The following PRRC2B variants were observed in gnomAD, a reference collection of about 807,000 sequenced individuals.
The protein encoded by PRRC2B is protein PRRC2B.
PRRC2B carries 68 observed loss-of-function variants against 242.3 expected under a neutral mutation model. That is an observed-to-expected ratio of 0.28 (90% confidence interval 0.23 to 0.34). The LOEUF is 0.34. PRRC2B is among the 10% of genes least tolerant of loss of function. The pLI is 1.00. For synonymous variants in PRRC2B, 1,228 were observed against 1,173.6 expected (o/e 1.05, Z -0.95); for missense variants, 2,835 against 2,954.8 (o/e 0.96, Z 0.94).
chr9:131,377,120 AT>A (rs11285924), intron 1 of PRRC2B, among the ~76,000 whole-genome samples: 44,864 of 149,098 alleles, frequency 0.3, 6,671 homozygotes, highest in African/African-American at 0.34. Flanking sequence ...TGTACAATTA[AT>A]TTTTTTTTTT....
At position 131,475,342 on chromosome 9, in the gene PRRC2B, CAG is replaced by C; in HGVS notation, c.3218_3219del (p.Glu1073ValfsTer60). On this transcript the variant is annotated frameshift_variant, in exon 16 of 32. Transcript: ENST00000683519. LOFTEE classifies it high-confidence loss of function. The stretch of plus-strand genomic sequence containing the variant: ...AGGCCCGGGGCCGGGGCCGTGGTTT[CAG>C]AGAGTTCACTTTTCGTGGTCGGCCT... ...GQARGRGRGF[R>X]EFTFRGRPAG... is the part of the protein sequence containing the mutation. 6.3e-7 allele frequency: 1 copy of C among 1,589,876 alleles called. No individual in the cohort carries two copies. The highest frequency in any genetic ancestry group is 8.6e-7 in the Non-Finnish European group (1 of 1,169,048).
chr9:131,496,055 T>C lies in PRRC2B; in HGVS notation c.*181T>C. The C allele has an allele frequency of 1.3e-6, 1 of 788,540 alleles. No individual in the cohort carries two copies. Among genetic ancestry groups the C allele is most frequent in the Non-Finnish European group, 2.0e-6 (1 of 510,796 alleles). 48.8% of individuals were successfully genotyped at this position (788,540 alleles called of 1,614,324 possible). ...GTCAACCAGCTTGCACCCGTGGATA[T>C]ATGGCATTGACCCGCTTGCTTTGAT... On this transcript the variant is annotated 3_prime_UTR_variant, in exon 32 of 32. Coordinates refer to ENST00000683519, the MANE Select transcript of PRRC2B (RefSeq NM_013318.4).
At position 131,389,075 on chromosome 9, in the gene PRRC2B, C is replaced by T. The variant is rs1378954602; in HGVS notation, c.-56+15344C>T. ...CAGGCTGGTCTCGAACTCCTGAGCT[C>T]AGGCAATCCACCCACCTTGGCCTCC... is the stretch of plus-strand genomic sequence containing the variant. On this transcript the variant is annotated intron_variant, in intron 1 of 1. Transcript: ENST00000682525. 1.3e-5 allele frequency among the ~76,000 whole-genome samples: 2 copies of T among 149,738 alleles called. 1 individual carries two copies. The highest frequency in any genetic ancestry group is 3.0e-5 in the Non-Finnish European group (2 of 67,432).
At chr9:131,490,405 C>T (rs951653545) in intron 28 of PRRC2B, 2 of 516,590 alleles carry the variant, frequency 3.9e-6, no homozygotes, top group East Asian at 1.1e-4. Flanking sequence ...TAAATGGCAG[C>T]ATCTTCCCAT....
Position 131,475,386 on chromosome 9 carries a change from G to C in PRRC2B, c.3257G>C (p.Ser1086Thr), listed in dbSNP as rs756424225. ...FRGRPAGGNG[S>T]GLCGGGVLGA... is the part of the protein sequence containing the mutation. ...GGTCGGCCTGCTGGCGGAAATGGGA[G>C]CGGCCTCTGTGGTGGGGGGGTCCTG... The change falls in exon 16 of 32, where the codon AGC becomes ACC. Residue 1086 changes from serine to threonine, a missense_variant. Around this residue, in one of 7 missense-constraint regions of PRRC2B, gnomAD observed 1,536 missense variants for 1,483.1 expected, o/e 1.04. Coordinates refer to ENST00000683519, the MANE Select transcript of PRRC2B (RefSeq NM_013318.4). 6.3e-7 allele frequency: 1 copy of C among 1,586,820 alleles called. No homozygotes were observed.
At chr9:131,457,519 G>T (rs1301090011) in intron 10 of PRRC2B, among the ~76,000 whole-genome samples, 1 of 152,182 alleles carries the variant, frequency 6.6e-6, no homozygotes, top group Non-Finnish European at 1.5e-5. Flanking sequence ...GAGCTGGTTG[G>T]TGACCTGGTA....
At chr9:131,486,210 C>T (rs1464437816) in intron 26 of PRRC2B, 28 bp downstream of exon 26, 1 of 1,496,480 alleles carries the variant, frequency 6.7e-7, no homozygotes, top group Non-Finnish European at 9.3e-7. Context: ...GGTGGCCTGG[C>T]TGGGGGTGGT....
chr9:131,424,889 G>C (rs1837938515), intron 1 of PRRC2B, among the ~76,000 whole-genome samples: 1 of 152,176 alleles, frequency 6.6e-6, no homozygotes, highest in Admixed American at 6.5e-5. Flanking sequence ...GGAGGACATA[G>C]TTCAAGGAAT....
At chr9:131,472,494 T>TTG (rs1564294961) in intron 14 of PRRC2B, among the ~76,000 whole-genome samples, 1 of 146,658 alleles carries the variant, frequency 6.8e-6, no homozygotes, top group Non-Finnish European at 1.5e-5. Flanking sequence ...TTTTTTTTTT[T>TTG]GAGACAGAGT....
intron 28 of PRRC2B, chr9:131,491,221 G>A (rs1026897510): frequency 2.3e-5 from 12 of 516,354 alleles, no homozygotes; most frequent in South Asian, 1.0e-4. Flanking sequence ...GCAAGAAGAC[G>A]TGCCTCTGCC....
Position 131,475,965 on chromosome 9 carries a change from A to C in PRRC2B, c.3836A>C (p.Lys1279Thr), listed in dbSNP as rs750100173. The C allele has an allele frequency of 1.2e-6, 2 of 1,612,360 alleles. No individual in the cohort carries two copies. Among genetic ancestry groups the C allele is most frequent in the Non-Finnish European group, 1.7e-6 (2 of 1,178,590 alleles). The change falls in exon 16 of 32, where the codon AAG becomes ACG. Residue 1279 changes from lysine (K) to threonine (T), a missense_variant. Coordinates refer to ENST00000683519, the MANE Select transcript of PRRC2B (RefSeq NM_013318.4). The part of the protein sequence containing the change: ...RGFEDSRAED[K>T]RSFFQDEHVA... Reference sequence around the variant, plus strand: ...TTTGAGGACAGCCGCGCGGAGGACAAGAGATCCTTCTTCCAAGATGAACAC... The same window carrying C: ...TTTGAGGACAGCCGCGCGGAGGACACGAGATCCTTCTTCCAAGATGAACAC...
chr9:131,450,836 C>T (rs572559458), intron 9 of PRRC2B, among the ~76,000 whole-genome samples: 1 of 152,162 alleles, frequency 6.6e-6, no homozygotes, highest in Admixed American at 6.5e-5. Flanking sequence ...GATAGGTCCG[C>T]CTTGGCCTCC....
At chr9:131,373,965 A>G (rs1029742869) in intron 1 of PRRC2B, among the ~76,000 whole-genome samples, 16 of 151,330 alleles carry the variant, frequency 1.1e-4, no homozygotes, top group Non-Finnish European at 2.1e-4. Flanking sequence ...AGGCTAAGGC[A>G]GGAGAATGGC....
At chr9:131,447,047 A>C (rs377569994) in intron 7 of PRRC2B, 38 bp from the exon 8 acceptor site, 1 of 1,612,752 alleles carries the variant, frequency 6.2e-7, no homozygotes, top group Admixed American at 1.7e-5. Context: ...AGTTTCAGCC[A>C]TTACCAGCAA....
At chr9:131,474,301 G>A (rs947497539) in intron 15 of PRRC2B, among the ~76,000 whole-genome samples, 153 bp from the exon 16 acceptor site, 6 of 152,044 alleles carry the variant, frequency 3.9e-5, no homozygotes, top group Non-Finnish European at 8.8e-5. Flanking sequence ...TTTTTTGGTT[G>A]TTGTTTTTTG....
chr9:131,388,730 G>A lies in PRRC2B; in HGVS notation c.-56+14999G>A, dbSNP rs940492924. 1.2e-4 allele frequency among the ~76,000 whole-genome samples: 18 copies of A among 149,868 alleles called. 2 individuals are homozygous for A. The highest frequency in any genetic ancestry group is 4.9e-4 in the Admixed American group (7 of 14,372). On this transcript the variant is annotated intron_variant, in intron 1 of 1. Coordinates refer to the PRRC2B transcript ENST00000682525. ...AGCTAATTTTTGTATTTTTAATAGA[G>A]ACAGGGTTTCACCATGTTGGCCAGG...
chr9:131,448,927 C>T (rs1022223204), intron 9 of PRRC2B, among the ~76,000 whole-genome samples: 7 of 152,312 alleles, frequency 4.6e-5, no homozygotes, highest in East Asian at 1.9e-4. Context: ...CCCTCACCAC[C>T]GCAGGCTTCC....
chr9:131,381,664 C>T (rs1407362440), intron 1 of PRRC2B, among the ~76,000 whole-genome samples: 1 of 152,076 alleles, frequency 6.6e-6, no homozygotes, highest in Non-Finnish European at 1.5e-5. Flanking sequence ...CGTGATCTGC[C>T]TGCCTCGGCC....
rs1274526225 is a variant in PRRC2B at position 131,487,845 on chromosome 9, G to C, written c.5985-11G>C. On this transcript the variant is annotated splice_polypyrimidine_tract_variant and intron_variant, in intron 27 of 31. Coordinates refer to ENST00000683519, the MANE Select transcript of PRRC2B (RefSeq NM_013318.4). The surrounding 1 kb of genome is among the most constrained non-coding windows in gnomAD (Gnocchi z 5.3). ...TCCACCTGATCCCGACCATCTGTCT[G>C]GCTTTTGCAGATCTCAGGTGTACAT... 6.2e-7 allele frequency: 1 copy of C among 1,601,392 alleles called. No individual in the cohort carries two copies.
Sources: allele counts gnomAD v4.1 joint callset (sites outside exome capture counted in the v4.1 genomes callset), GRCh38; gene constraint gnomAD v4.1.1; regional missense constraint gnomAD v4.1.1; non-coding constraint Gnocchi (gnomAD v3.1); transcripts MANE v1.5; gene names NCBI Gene and HGNC (gene_info 2026-07-23, HGNC 2026-07-21).